The following RAB1A variants were observed in gnomAD, a reference collection of about 807,000 sequenced individuals.
The protein encoded by RAB1A is RAB1A, member RAS oncogene family, also known as ras-related protein Rab-1A.
In RAB1A, 2 loss-of-function variants were observed where a neutral mutation model predicts 26.0. The ratio of observed to expected loss-of-function variants is 0.08; its 90% CI spans 0.03 to 0.24. The LOEUF (loss-of-function observed/expected upper bound fraction) is 0.24, where lower values mean the gene tolerates loss of function less well. Ranked by LOEUF, RAB1A falls within the 10% of genes least tolerant of loss-of-function variation. The pLI, the probability that RAB1A is intolerant of heterozygous loss-of-function variation, is 1.00. For missense variants in RAB1A, 100 were observed against 247.0 expected (o/e 0.40, Z 3.99); for synonymous variants, 84 against 84.9 (o/e 0.99, Z 0.06).
intron 1 of RAB1A, among the ~76,000 whole-genome samples, chr2:65,106,749 C>T (rs1464615868): frequency 4.0e-5 from 6 of 149,082 alleles, no homozygotes; most frequent in Admixed American, 6.8e-5. Flanking sequence ...TTAAAAAGAT[C>T]GCTATTGTAG....
chr2:65,099,419 C>T (rs1263989982), intron 2 of RAB1A, among the ~76,000 whole-genome samples: 1 of 152,138 alleles, frequency 6.6e-6, no homozygotes, highest in Non-Finnish European at 1.5e-5. Context: ...ACAGACCAGG[C>T]TATCATCATA....
intron 1 of RAB1A, among the ~76,000 whole-genome samples, chr2:65,108,112 A>C (rs13012226): frequency 6.6e-6 from 1 of 151,916 alleles, no homozygotes; most frequent in Non-Finnish European, 1.5e-5. Flanking sequence ...AGCTTTAAAA[A>C]ACATGAACGG....
At chr2:65,092,565 T>C (rs1669195791) in intron 3 of RAB1A, among the ~76,000 whole-genome samples, 1 of 152,330 alleles carries the variant, frequency 6.6e-6, no homozygotes, top group East Asian at 1.9e-4. Flanking sequence ...TTCACAAAGA[T>C]AGAAGGAAAA....
chr2:65,105,576 T>C (rs1027414417), intron 1 of RAB1A, among the ~76,000 whole-genome samples: 2 of 144,866 alleles, frequency 1.4e-5, no homozygotes, highest in African/African-American at 2.6e-5. Context: ...ACTCCTCCAA[T>C]GAAGGGGTTC....
chr2:65,116,810 C>T (rs1298987296), intron 1 of RAB1A, among the ~76,000 whole-genome samples: 1 of 152,222 alleles, frequency 6.6e-6, no homozygotes, highest in African/African-American at 2.4e-5. Flanking sequence ...CTCCCAAAGC[C>T]TAGCAATGCA....
At position 65,098,626 on chromosome 2, in the gene RAB1A, AC is replaced by A. The variant is rs200563027; in HGVS notation, c.97-561del. 1.6e-4 allele frequency among the ~76,000 whole-genome samples: 24 copies of A among 152,204 alleles called. No homozygotes were observed. In the East Asian group the frequency reaches 4.6e-3, roughly 29 times the overall value. On this transcript the variant is annotated intron_variant, in intron 2 of 5. Transcript: ENST00000409784. ...TTATACATTCACAAGGTTGCAAACTACAACCACGAATTCCAGGACATTTTCT... is the reference window on the plus strand; with the variant it reads ...TTATACATTCACAAGGTTGCAAACTAAACCACGAATTCCAGGACATTTTCT...
intron 1 of RAB1A, among the ~76,000 whole-genome samples, chr2:65,120,127 C>T (rs1669926341): frequency 6.6e-6 from 1 of 151,982 alleles, no homozygotes; most frequent in Admixed American, 6.6e-5. Flanking sequence ...TTTCATCTAA[C>T]CCACTTTAAG....
chr2:65,092,242 G>A (rs906785216), intron 3 of RAB1A, among the ~76,000 whole-genome samples: 1 of 151,638 alleles, frequency 6.6e-6, no homozygotes, highest in Admixed American at 6.6e-5. Flanking sequence ...TGCACTCTGG[G>A]CAAGAGAGCC....
intron 1 of RAB1A, among the ~76,000 whole-genome samples, chr2:65,111,763 G>A (rs1669700213): frequency 6.6e-6 from 1 of 152,124 alleles, no homozygotes; most frequent in East Asian, 1.9e-4. Flanking sequence ...AATAAAAAGG[G>A]TTTTAGAAAA....
At chr2:65,128,856 C>T (rs757185027) in intron 1 of RAB1A, among the ~76,000 whole-genome samples, 9 of 152,118 alleles carry the variant, frequency 5.9e-5, no homozygotes, top group Admixed American at 2.0e-4. Context: ...TTTTAAAGGG[C>T]CATTGAGGAG....
At chr2:65,112,296 T>C (rs921962991) in intron 1 of RAB1A, among the ~76,000 whole-genome samples, 2 of 151,688 alleles carry the variant, frequency 1.3e-5, no homozygotes, top group Non-Finnish European at 2.9e-5. Flanking sequence ...TACAGGTGTG[T>C]GCCACCATGC....
chr2:65,121,454 T>C (rs1188516236), intron 1 of RAB1A, among the ~76,000 whole-genome samples: 2 of 152,078 alleles, frequency 1.3e-5, no homozygotes, highest in African/African-American at 2.4e-5. Flanking sequence ...AATAAAGCAG[T>C]GTAGGGTGTT....
intron 3 of RAB1A, among the ~76,000 whole-genome samples, chr2:65,094,018 A>G (rs1256659540): frequency 2.0e-5 from 3 of 150,774 alleles, no homozygotes; most frequent in African/African-American, 7.3e-5. Flanking sequence ...TGCCCAGGCT[A>G]GAGTGCAAAT....
intron 1 of RAB1A, among the ~76,000 whole-genome samples, chr2:65,121,795 G>T (rs775092077): frequency 5.3e-5 from 8 of 152,194 alleles, no homozygotes; most frequent in Non-Finnish European, 8.8e-5. Flanking sequence ...CGGGGGCCGG[G>T]GGGGAGTCTG....
intron 1 of RAB1A, among the ~76,000 whole-genome samples, chr2:65,117,523 T>C (rs1452023503): frequency 6.6e-6 from 1 of 152,106 alleles, no homozygotes; most frequent in African/African-American, 2.4e-5. Flanking sequence ...GTAAAGTAAC[T>C]GACCACAAAA....
At chr2:65,124,620 C>G (rs1670054441) in intron 1 of RAB1A, among the ~76,000 whole-genome samples, 1 of 151,968 alleles carries the variant, frequency 6.6e-6, no homozygotes, top group African/African-American at 2.4e-5. Context: ...ATTAATTTTT[C>G]TATGCTTAGT....
Position 65,091,061 on chromosome 2 carries a change from C to T in RAB1A, c.210G>A (p.Gln70=). 6.2e-7 allele frequency: 1 copy of T among 1,612,852 alleles called. No individual in the cohort carries two copies. Among genetic ancestry groups the T allele is most frequent in the Admixed American group, 1.7e-5 (1 of 59,986 alleles). Residue 70 remains glutamine (Q), a synonymous_variant, in exon 4 of 6, where the codon CAG becomes CAA. Coordinates refer to ENST00000409784, the MANE Select transcript of RAB1A (RefSeq NM_004161.5). ...IKLQIWDTAG[Q]ERFRTITSSY... ...TGGAGGTGATTGTTCGAAATCTTTC[C>T]TGGCCTGCTGTGTCCCACTATTACA...
At chr2:65,093,930 G>C (rs1354288497) in intron 3 of RAB1A, among the ~76,000 whole-genome samples, 7 of 149,922 alleles carry the variant, frequency 4.7e-5, no homozygotes, top group African/African-American at 1.7e-4. Flanking sequence ...CCTGTGTTTA[G>C]ATTTTTAAAA....
intron 2 of RAB1A, among the ~76,000 whole-genome samples, chr2:65,101,648 T>C (rs1356734095): frequency 3.3e-5 from 5 of 151,320 alleles, no homozygotes; most frequent in Non-Finnish European, 5.9e-5. Flanking sequence ...TAATAAAAAT[T>C]AAATGACACC....
Sources: gnomAD v4.1 joint callset for allele counts (sites outside exome capture counted in the v4.1 genomes callset) on GRCh38, gnomAD v4.1.1 for gene constraint, MANE v1.5 for transcripts, NCBI Gene and HGNC (gene_info 2026-07-23, HGNC 2026-07-21) for gene names.